Variants in FOXP1 observed in about 807,000 individuals in gnomAD.
The protein encoded by FOXP1 is forkhead box protein P1.
Under a neutral mutation model 98.2 loss-of-function variants are expected in FOXP1, and 15 were observed. That is an observed-to-expected ratio of 0.15 (90% CI 0.10 to 0.24). FOXP1 has a LOEUF of 0.24. FOXP1 is among the 10% of genes least tolerant of loss of function. The pLI, the probability that FOXP1 is intolerant of heterozygous loss-of-function variation, is 1.00. For synonymous variants in FOXP1, 371 were observed against 314.5 expected (o/e 1.18, Z -1.90); for missense variants, 633 against 848.5 (o/e 0.75, Z 3.15).
intron 7 of FOXP1, among the ~76,000 whole-genome samples, chr3:71,077,072 A>G (rs923537010): frequency 6.6e-6 from 1 of 152,274 alleles, no homozygotes; most frequent in African/African-American, 2.4e-5. Context: ...CACATCAGAC[A>G]TAGTTATCTT....
At chr3:71,026,900 T>C (rs2046196406) in intron 11 of FOXP1, among the ~76,000 whole-genome samples, 1 of 152,190 alleles carries the variant, frequency 6.6e-6, no homozygotes, top group South Asian at 2.1e-4. Flanking sequence ...AAGCACAAAA[T>C]GCCTGTATTT....
At chr3:71,112,500 G>A in intron 7 of FOXP1, 36 bp downstream of exon 7, 1 of 1,470,154 alleles carries the variant, frequency 6.8e-7, no homozygotes, top group Non-Finnish European at 9.5e-7. Flanking sequence ...ATCCCAAAGG[G>A]TATAATGTCA....
At chr3:71,358,400 C>T (rs775108811) in intron 4 of FOXP1, among the ~76,000 whole-genome samples, 1 of 152,292 alleles carries the variant, frequency 6.6e-6, no homozygotes, top group Non-Finnish European at 1.5e-5. Context: ...ACACTCATTT[C>T]GCTCATGAAA....
chr3:71,098,548 G>A (rs947201434), intron 7 of FOXP1, among the ~76,000 whole-genome samples: 3 of 151,966 alleles, frequency 2.0e-5, no homozygotes, highest in Admixed American at 6.6e-5. Context: ...CTAGGGGCTC[G>A]CGAACCTGAG....
intron 3 of FOXP1, among the ~76,000 whole-genome samples, chr3:71,377,198 C>A (rs2079786226): frequency 1.3e-5 from 2 of 152,064 alleles, no homozygotes; most frequent in South Asian, 4.1e-4. Flanking sequence ...ATTATGGCCT[C>A]TTTACATAAG....
At chr3:71,134,276 T>A (rs1575943372) in intron 6 of FOXP1, among the ~76,000 whole-genome samples, 1 of 152,198 alleles carries the variant, frequency 6.6e-6, no homozygotes, top group East Asian at 1.9e-4. Context: ...CAATTTCGAA[T>A]GGACACCAAG....
chr3:71,295,669 A>C (rs2073212051), intron 5 of FOXP1, among the ~76,000 whole-genome samples: 1 of 152,242 alleles, frequency 6.6e-6, no homozygotes, highest in African/African-American at 2.4e-5. Context: ...GATTATCTTC[A>C]ACTCTCAATG....
chr3:71,471,023 A>G (rs961421275), intron 3 of FOXP1, among the ~76,000 whole-genome samples: 3 of 152,240 alleles, frequency 2.0e-5, no homozygotes, highest in African/African-American at 7.2e-5. Context: ...TAATCCCTGT[A>G]TAGCATTTCA....
At chr3:71,146,912 C>T (rs767890123) in intron 6 of FOXP1, among the ~76,000 whole-genome samples, 1 of 152,230 alleles carries the variant, frequency 6.6e-6, no homozygotes, top group Non-Finnish European at 1.5e-5. Flanking sequence ...AATGTTAAGC[C>T]ATCCATCACC....
intron 7 of FOXP1, among the ~76,000 whole-genome samples, chr3:71,075,454 T>C (rs1020606022): frequency 1.3e-5 from 2 of 152,266 alleles, no homozygotes; most frequent in Non-Finnish European, 2.9e-5. Context: ...TTTTTTGTGC[T>C]GTAGGTACTG....
At chr3:71,033,602 CAAAAAAAAAAAAAA>C (rs35470748) in intron 11 of FOXP1, among the ~76,000 whole-genome samples, 6 of 70,640 alleles carry the variant, frequency 8.5e-5, no homozygotes, top group South Asian at 1.4e-3. Flanking sequence ...AGTGAACAGT[CAAAAAAAAAAAAAA>C]AAAAAAAAAA....
chr3:70,993,857 G>A (rs980407838), intron 13 of FOXP1, among the ~76,000 whole-genome samples: 2 of 151,854 alleles, frequency 1.3e-5, no homozygotes, highest in Non-Finnish European at 2.9e-5. Context: ...AGCAGGGCAT[G>A]GTGGCACATG....
chr3:71,401,412 C>T (rs996257269), intron 3 of FOXP1, among the ~76,000 whole-genome samples: 34 of 152,100 alleles, frequency 2.2e-4, no homozygotes, highest in Non-Finnish European at 4.4e-4. Flanking sequence ...TTTCTCACAC[C>T]GACTGAAAAA....
intron 7 of FOXP1, among the ~76,000 whole-genome samples, chr3:71,060,157 G>A (rs1206069053): frequency 6.6e-6 from 1 of 152,060 alleles, no homozygotes; most frequent in African/African-American, 2.4e-5. Flanking sequence ...AGGGAGAAGG[G>A]ACTATAATTG....
At chr3:70,988,596 A>C (rs537188121) in intron 13 of FOXP1, among the ~76,000 whole-genome samples, 22 of 152,358 alleles carry the variant, frequency 1.4e-4, no homozygotes, top group African/African-American at 5.3e-4. Context: ...TCCCATTTTC[A>C]AACGAGTGTA....
intron 4 of FOXP1, among the ~76,000 whole-genome samples, chr3:71,357,693 C>A (rs144526003): frequency 0.012 from 1,763 of 152,232 alleles, 36 homozygotes; most frequent in African/African-American, 0.041. Context: ...CTGCCTCAGC[C>A]AGGAAAACTA....
chr3:71,004,692 T>TA (rs1352077345), intron 12 of FOXP1, among the ~76,000 whole-genome samples: 1 of 152,186 alleles, frequency 6.6e-6, no homozygotes, highest in Non-Finnish European at 1.5e-5. Context: ...TTCAGTCACC[T>TA]AAAACATGCA....
chr3:71,067,731 TAC>T (rs6147878), intron 7 of FOXP1, among the ~76,000 whole-genome samples: 3,424 of 126,572 alleles, frequency 0.027, 152 homozygotes, highest in African/African-American at 0.094. Flanking sequence ...TCTCCAAAAA[TAC>T]ACACACACAC....
chr3:71,213,731 G>T lies in FOXP1; in HGVS notation c.-11-15339C>A, dbSNP rs113189684. Among the ~76,000 whole-genome samples the T allele has an allele frequency of 7.1e-3, 1,074 of 152,206 alleles. 12 individuals carry two copies. Among genetic ancestry groups the T allele is most frequent in the African/African-American group, 0.025 (1,023 of 41,532 alleles). ...CTCGGGAGGCGGAGGCAGGTGAATC[G>T]CTTGAACCCGGGAAGTGGAGGTTGC... On this transcript the variant is annotated intron_variant, in intron 5 of 20. Transcript: ENST00000649528.
Sources: gnomAD v4.1 joint callset for allele counts (sites outside exome capture counted in the v4.1 genomes callset) on GRCh38, gnomAD v4.1.1 for gene constraint, MANE v1.5 for transcripts, NCBI Gene and HGNC (gene_info 2026-07-23, HGNC 2026-07-21) for gene names.